The following TRIM39 variants were observed in gnomAD, a reference collection of about 807,000 sequenced individuals.
TRIM39 encodes the protein tripartite motif containing 39.
TRIM39 carries 5 observed loss-of-function variants against 53.6 expected under a neutral mutation model. That is an observed-to-expected ratio of 0.09 (90% CI 0.05 to 0.20). The LOEUF (loss-of-function observed/expected upper bound fraction) is 0.20. TRIM39 is among the 10% of genes least tolerant of loss of function. The pLI is 1.00. For synonymous variants in TRIM39, 196 were observed against 237.6 expected, an observed-to-expected ratio of 0.82 and a Z score of 1.61; for missense variants, 310 against 621.0, an observed-to-expected ratio of 0.50 and a Z score of 5.32.
At chr6:30,341,761 A>C (rs1787580059) in exon 8 of TRIM39, 1 of 1,612,878 alleles carries the variant, frequency 6.2e-7, no homozygotes, top group African/African-American at 1.3e-5. Flanking sequence ...TAGTCCTGTC[A>C]GAGGATCGTA....
At chr6:30,329,363 A>G in exon 3 of TRIM39, 1 of 1,613,054 alleles carries the variant, frequency 6.2e-7, no homozygotes, top group Non-Finnish European at 8.5e-7. Flanking sequence ...TGCAGCCTCT[A>G]CAGCTGCGGC....
In TRIM39 at chr6:30,338,970, G is replaced by T. The variant is rs985297039; in HGVS notation, c.781-938G>T. On this transcript the variant is annotated intron_variant, in intron 5 of 7. Coordinates refer to ENST00000396551, the Ensembl canonical transcript of TRIM39. The surrounding 1 kb of genome is among the most constrained non-coding windows in gnomAD (Gnocchi z 4.0). Reference sequence around the variant, plus strand: ...GCATTTGAAGCAGTGAGGCTTCATTGTACATTTATTTTTATGTTACGTATT... The same window carrying T: ...GCATTTGAAGCAGTGAGGCTTCATTTTACATTTATTTTTATGTTACGTATT... Among the ~76,000 whole-genome samples, 1 of 152,046 alleles carries T rather than the reference G, an allele frequency of 6.6e-6. No homozygotes were observed. The highest frequency in any genetic ancestry group is 2.4e-5 in the African/African-American group (1 of 41,366).
rs1335915448 is a variant in TRIM39, at chr6:30,335,289, T to C, written c.550-456T>C. ...AAACCATTTTCTCTCATTTTCTTTC[T>C]TTCTTTTCTTTCTGTCTTTGTCTTT... is the stretch of plus-strand genomic sequence containing the variant. On this transcript the variant is annotated intron_variant, in intron 4 of 7. Coordinates refer to ENST00000396551, the Ensembl canonical transcript of TRIM39. The surrounding 1 kb of genome is among the most constrained non-coding windows in gnomAD (Gnocchi z 4.7). Among the ~76,000 whole-genome samples, 2 of 152,174 alleles carry C rather than the reference T, an allele frequency of 1.3e-5. No individual in the cohort carries two copies.
At position 30,335,920 on chromosome 6, in the gene TRIM39, A is replaced by G; in HGVS notation, c.725A>G (p.His242Arg). 1 of 1,612,744 alleles carries G rather than the reference A, an allele frequency of 6.2e-7. No individual in the cohort carries two copies. Among genetic ancestry groups the G allele is most frequent in the Admixed American group, 1.7e-5 (1 of 59,932 alleles). Residue 242 changes from histidine to arginine, a missense_variant, in exon 5 of 8, where the codon CAC (histidine) becomes CGC (arginine). Physicochemically the swap from His to Arg is conservative, Grantham distance 29 (BLOSUM62 0). Around this residue, in one of 5 missense-constraint regions of TRIM39, gnomAD observed 161 missense variants for 210.0 expected, o/e 0.77. Transcript: ENST00000396551. The surrounding 1 kb of genome is among the most constrained non-coding windows in gnomAD (Gnocchi z 4.7). ...GGGGACAAGCGCCGGGACCTGGCCC[A>G]CTTGGCTGCCGAGGTGGAGGGCAAG...
At chr6:30,328,640 CT>C (rs565272336) in intron 1 of TRIM39, among the ~76,000 whole-genome samples, 165 of 143,740 alleles carry the variant, frequency 1.1e-3, no homozygotes, top group South Asian at 1.5e-3. Context: ...TATGCATGGA[CT>C]TTTTTTTTTT....
At chr6:30,340,447 TG>T in intron 6 of TRIM39, 57 bp from the exon 7 acceptor site, 1 of 1,611,192 alleles carries the variant, frequency 6.2e-7, no homozygotes. Context: ...AATAGTCACT[TG>T]GCTGGAGCTT....
chr6:30,336,564 GACA>G (rs1786886005), intron 5 of TRIM39, among the ~76,000 whole-genome samples: 1 of 152,212 alleles, frequency 6.6e-6, no homozygotes, highest in South Asian at 2.1e-4. Flanking sequence ...CTTAAAATAA[GACA>G]ACGACGAAGT....
chr6:30,329,110 C>T, intron 2 of TRIM39, 69 bp downstream of exon 2: 1 of 609,840 alleles, frequency 1.6e-6, no homozygotes, highest in Non-Finnish European at 2.7e-6. Context: ...AGGTTGATGG[C>T]TGGGAGTCAC....
chr6:30,337,535 C>T (rs1787015861), intron 5 of TRIM39, among the ~76,000 whole-genome samples: 1 of 152,002 alleles, frequency 6.6e-6, no homozygotes, highest in Non-Finnish European at 1.5e-5. Context: ...ATAGCAGGAC[C>T]CCATCTCTAC....
intron 1 of TRIM39, 100 bp downstream of exon 1, chr6:30,327,095 C>G (rs899439397): frequency 2.0e-5 from 3 of 152,164 alleles, no homozygotes; most frequent in Non-Finnish European, 2.9e-5. Flanking sequence ...TCACCGGCCC[C>G]CCGCACGTAA....
At chr6:30,333,374 T>C (rs904076602) in intron 4 of TRIM39, among the ~76,000 whole-genome samples, 1 of 145,976 alleles carries the variant, frequency 6.9e-6, no homozygotes, top group African/African-American at 2.5e-5. Context: ...TTTTTTTTTT[T>C]TGAGACGGCG....
Position 30,328,035 on chromosome 6 carries a change from C to T in TRIM39, c.-160-854C>T, listed in dbSNP as rs188255140. Among the ~76,000 whole-genome samples the T allele has an allele frequency of 6.6e-5, 10 of 152,318 alleles. No homozygotes were observed. In the East Asian group the frequency reaches 1.7e-3, roughly 26 times the overall value. ...TTATGGGGATAGTTAAATCAACTTA[C>T]CCATGGCTAAAAGTATGGATGTTTT... On this transcript the variant is annotated intron_variant, in intron 1 of 7. Coordinates refer to ENST00000396551, the Ensembl canonical transcript of TRIM39.
chr6:30,336,710 T>A (rs1786905535), intron 5 of TRIM39, among the ~76,000 whole-genome samples: 1 of 152,126 alleles, frequency 6.6e-6, no homozygotes, highest in Admixed American at 6.6e-5. Flanking sequence ...AACATGGGAG[T>A]CTTGAACCCC....
rs200614440 is a variant in TRIM39, at chr6:30,339,959, A to G, written c.803+29A>G. On this transcript the variant is annotated intron_variant, in intron 6 of 7. Coordinates refer to ENST00000396551, the Ensembl canonical transcript of TRIM39. This position sits in a 1 kb window ranked among gnomAD's most constrained non-coding sequence, Gnocchi z 4.2. ...AGTGATTGTTGTATCTCTCTGAGTG[A>G]GTTAGGTCTTGGCTTAGAGAGGAGG... The G allele has an allele frequency of 5.1e-5, 83 of 1,614,032 alleles. No homozygotes were observed. The highest frequency in any genetic ancestry group is 1.7e-4 in the Admixed American group (10 of 60,020).
intron 4 of TRIM39, among the ~76,000 whole-genome samples, chr6:30,333,134 G>A (rs1029492643): frequency 5.3e-5 from 8 of 152,128 alleles, no homozygotes; most frequent in African/African-American, 1.9e-4. Flanking sequence ...AGATGGATGT[G>A]TGCCAATATG....
rs1308841468 is a variant in TRIM39 at position 30,335,648 on chromosome 6, T to C, written c.550-97T>C. 5 of 1,434,070 alleles carry C rather than the reference T, an allele frequency of 3.5e-6. No individual in the cohort carries two copies. The highest frequency in any genetic ancestry group is 3.7e-6 in the Non-Finnish European group (4 of 1,073,620). 88.8% of individuals were successfully genotyped at this position (1,434,070 alleles called of 1,614,324 possible). ...TTTGTTAAACCATTTTCAATGAAACTGGAAGTCTGTGTTAATTCATACATA... is the reference window on the plus strand; with the variant it reads ...TTTGTTAAACCATTTTCAATGAAACCGGAAGTCTGTGTTAATTCATACATA... On this transcript the variant is annotated intron_variant, in intron 4 of 7. Transcript: ENST00000396551. The surrounding 1 kb of genome is among the most constrained non-coding windows in gnomAD (Gnocchi z 4.7).
At chr6:30,332,011 C>T (rs373733280) in intron 4 of TRIM39, among the ~76,000 whole-genome samples, 1 of 152,074 alleles carries the variant, frequency 6.6e-6, no homozygotes, top group Non-Finnish European at 1.5e-5. Flanking sequence ...AGAAAAGCTA[C>T]GAGAAAGAGA....
At chr6:30,340,108 T>C (rs1787322884) in intron 6 of TRIM39, among the ~76,000 whole-genome samples, 178 bp downstream of exon 6, 2 of 152,160 alleles carry the variant, frequency 1.3e-5, no homozygotes, top group South Asian at 4.1e-4. Flanking sequence ...TTGGGAATAA[T>C]AATCCCTTTT....
At chr6:30,333,271 T>C (rs1253557802) in intron 4 of TRIM39, among the ~76,000 whole-genome samples, 4 of 152,096 alleles carry the variant, frequency 2.6e-5, no homozygotes, top group African/African-American at 9.7e-5. Context: ...AATTCACGTA[T>C]AGTAAAACCA....
Sources: gnomAD v4.1 joint callset for allele counts (sites outside exome capture counted in the v4.1 genomes callset) on GRCh38, gnomAD v4.1.1 for gene constraint, gnomAD v4.1.1 regional missense constraint, Gnocchi (gnomAD v3.1) non-coding constraint, MANE v1.5 for transcripts, NCBI Gene and HGNC (gene_info 2026-07-23, HGNC 2026-07-21) for gene names.